Variants in NPR3 observed in about 807,000 individuals in gnomAD.
NPR3 encodes the protein atrial natriuretic peptide receptor 3.
A neutral mutation model predicts 54.5 loss-of-function variants in NPR3; 34 were observed. The ratio of observed to expected loss-of-function variants is 0.62; its 90% CI spans 0.47 to 0.83. The LOEUF (loss-of-function observed/expected upper bound fraction) is 0.83. Ranked by LOEUF, NPR3 falls within the 40% of genes least tolerant of loss-of-function variation. The pLI is 0.00. For synonymous variants in NPR3, 289 were observed against 297.1 expected (o/e 0.97, Z 0.28); for missense variants, 674 against 720.8 (o/e 0.94, Z 0.74).
intron 3 of NPR3, among the ~76,000 whole-genome samples, chr5:32,749,767 C>G (rs761013451): frequency 2.6e-5 from 4 of 152,180 alleles, no homozygotes; most frequent in African/African-American, 4.8e-5. Context: ...TTCAGCTATG[C>G]CTGGTACCTT....
At chr5:32,770,793 T>C (rs143931353) in intron 3 of NPR3, among the ~76,000 whole-genome samples, 8 of 152,348 alleles carry the variant, frequency 5.3e-5, no homozygotes, top group Admixed American at 1.3e-4. Flanking sequence ...TTAAGACTTA[T>C]GGCTGATGAT....
chr5:32,729,051 A>T (rs1579617411), intron 2 of NPR3, among the ~76,000 whole-genome samples: 2 of 93,160 alleles, frequency 2.1e-5, no homozygotes, highest in Non-Finnish European at 3.9e-5. Flanking sequence ...TTTTTTTGAG[A>T]CGGAGTCTCG....
intron 6 of NPR3, among the ~76,000 whole-genome samples, chr5:32,784,077 C>T (rs758451333): frequency 1.3e-5 from 2 of 152,212 alleles, no homozygotes; most frequent in Non-Finnish European, 2.9e-5. Context: ...AAAAACAGAA[C>T]ATTGACCCAA....
At chr5:32,770,380 A>T (rs1741692235) in intron 3 of NPR3, among the ~76,000 whole-genome samples, 2 of 152,020 alleles carry the variant, frequency 1.3e-5, no homozygotes, top group South Asian at 4.2e-4. Context: ...TAGTGAGCTG[A>T]GATTGCACCA....
chr5:32,724,989 T>C (rs1579609664), intron 2 of NPR3, among the ~76,000 whole-genome samples, 169 bp downstream of exon 2: 1 of 152,336 alleles, frequency 6.6e-6, no homozygotes, highest in South Asian at 2.1e-4. Flanking sequence ...TTAATGGAGC[T>C]GGAGGCCATG....
At chr5:32,751,557 C>T (rs1056284992) in intron 3 of NPR3, among the ~76,000 whole-genome samples, 1 of 152,154 alleles carries the variant, frequency 6.6e-6, no homozygotes, top group Non-Finnish European at 1.5e-5. Flanking sequence ...TGGATATTTG[C>T]TCGTTTGAGG....
At chr5:32,729,068 C>A (rs1579617466) in intron 2 of NPR3, among the ~76,000 whole-genome samples, 2 of 112,524 alleles carry the variant, frequency 1.8e-5, no homozygotes, top group Admixed American at 1.2e-4. Flanking sequence ...CTCGCTCTGT[C>A]GCCCAGGCTG....
rs539472125 is a variant in NPR3, at chr5:32,738,343, T to C, written c.893-521T>C. 2.6e-5 allele frequency among the ~76,000 whole-genome samples: 4 copies of C among 152,080 alleles called. No individual in the cohort carries two copies. The South Asian group carries it at 8.4e-4, about 32-fold the overall frequency. On this transcript the variant is annotated intron_variant, in intron 2 of 7. Coordinates refer to ENST00000265074, the MANE Select transcript of NPR3 (RefSeq NM_001204375.2). ...TGATGTTCCCCTCCCTGTGTCTATG[T>C]GTTCTCATTGTTCAACTCCCACTTA... is the stretch of plus-strand genomic sequence containing the variant.
At position 32,786,687 on chromosome 5, in the gene NPR3, C is replaced by T. The variant is rs1298068911; in HGVS notation, c.*342C>T. On this transcript the variant is annotated 3_prime_UTR_variant, in exon 8 of 8. Coordinates refer to ENST00000265074, the MANE Select transcript of NPR3 (RefSeq NM_001204375.2). Reference sequence around the variant, plus strand: ...GCATTTCACACAAGGATATAAAATGCGGTTTTCTTAAATGAAATGTTTTGT... The same window carrying T: ...GCATTTCACACAAGGATATAAAATGTGGTTTTCTTAAATGAAATGTTTTGT... 4 of 201,064 alleles carry T rather than the reference C, an allele frequency of 2.0e-5. No individual in the cohort carries two copies. Among genetic ancestry groups the T allele is most frequent in the Admixed American group, 1.2e-4 (2 of 16,048 alleles). The allele number at this position is 201,064 out of a possible 1,614,324, so 12.5% of individuals were successfully genotyped here.
rs986551093 is a variant in NPR3, at chr5:32,788,627, G to A, written c.*2282G>A. 5 of 152,040 alleles carry A rather than the reference G, an allele frequency of 3.3e-5. No individual in the cohort carries two copies. The highest frequency in any genetic ancestry group is 9.7e-5 in the African/African-American group (4 of 41,394). The allele number at this position is 152,040 out of a possible 1,614,324, so 9.4% of individuals were successfully genotyped here. On this transcript the variant is annotated 3_prime_UTR_variant, in exon 8 of 8. Transcript: ENST00000265074. The stretch of plus-strand genomic sequence containing the variant: ...TTCTAACCTTTTTAAAACTTCTATA[G>A]CAGCCCATTAACACTAACATTTTTA...
intron 3 of NPR3, among the ~76,000 whole-genome samples, chr5:32,751,226 T>A (rs1250678633): frequency 2.0e-5 from 3 of 152,246 alleles, no homozygotes; most frequent in Admixed American, 6.5e-5. Flanking sequence ...GTAGCAATTT[T>A]ATACCCTTTC....
At chr5:32,747,098 GC>G (rs1435979156) in intron 3 of NPR3, among the ~76,000 whole-genome samples, 1 of 152,028 alleles carries the variant, frequency 6.6e-6, no homozygotes, top group Non-Finnish European at 1.5e-5. Flanking sequence ...CTTCTTTTCT[GC>G]CATTCTCTAC....
At chr5:32,784,996 G>A in intron 7 of NPR3, 113 bp downstream of exon 7, 1 of 883,488 alleles carries the variant, frequency 1.1e-6, no homozygotes, top group Non-Finnish European at 1.8e-6. Context: ...AGGAAGCACG[G>A]TGGTTAAAAA....
intron 1 of NPR3, among the ~76,000 whole-genome samples, chr5:32,701,983 G>A (rs943091929): frequency 6.6e-6 from 1 of 152,154 alleles, no homozygotes; most frequent in Non-Finnish European, 1.5e-5. Context: ...GATCTGAAGC[G>A]AGCATAGCAG....
intron 3 of NPR3, among the ~76,000 whole-genome samples, chr5:32,767,707 T>G (rs1741547229): frequency 6.6e-6 from 1 of 150,800 alleles, no homozygotes. Flanking sequence ...ATTGCTTAAA[T>G]AAAAACAGGG....
intron 1 of NPR3, among the ~76,000 whole-genome samples, chr5:32,715,884 T>C (rs1250186864): frequency 6.6e-6 from 1 of 152,268 alleles, no homozygotes; most frequent in Non-Finnish European, 1.5e-5. Flanking sequence ...TACAACATTA[T>C]ACAGTCTGTA....
At chr5:32,695,814 A>G (rs1740517742) in intron 1 of NPR3, among the ~76,000 whole-genome samples, 1 of 152,236 alleles carries the variant, frequency 6.6e-6, no homozygotes, top group Non-Finnish European at 1.5e-5. Flanking sequence ...TGCCATTGAT[A>G]TGCCTTCTTT....
chr5:32,765,608 C>G lies in NPR3; in HGVS notation c.1060-9100C>G, dbSNP rs984692941. Among the ~76,000 whole-genome samples, 14 of 152,220 alleles carry G rather than the reference C, an allele frequency of 9.2e-5. No individual in the cohort carries two copies. In the East Asian group the frequency reaches 9.6e-4, roughly 10 times the overall value. On this transcript the variant is annotated intron_variant, in intron 3 of 7. Coordinates refer to ENST00000265074, the MANE Select transcript of NPR3 (RefSeq NM_001204375.2). The stretch of plus-strand genomic sequence containing the variant: ...GTGCATCAGGGAGCTTGTGCAGTAT[C>G]GGGAACACAGATGCGCAAAAGTGCA...
At chr5:32,785,986 C>G (rs539183219) in intron 7 of NPR3, among the ~76,000 whole-genome samples, 1 of 152,282 alleles carries the variant, frequency 6.6e-6, no homozygotes, top group East Asian at 1.9e-4. Flanking sequence ...GACCTAACCC[C>G]CAAGGCACCC....
Sources: gnomAD v4.1 joint callset for allele counts (sites outside exome capture counted in the v4.1 genomes callset) on GRCh38, gnomAD v4.1.1 for gene constraint, MANE v1.5 for transcripts, NCBI Gene and HGNC (gene_info 2026-07-23, HGNC 2026-07-21) for gene names.